PTCHD1: variants seen among roughly 807,000 people sequenced by gnomAD.
PTCHD1 encodes patched domain containing 1, also known as patched domain-containing protein 1.
In PTCHD1, 3 loss-of-function variants were observed where a neutral mutation model predicts 34.6. The ratio of observed to expected loss-of-function variants is 0.09; its 90% CI spans 0.04 to 0.22. The LOEUF is 0.22. Ranked by LOEUF, PTCHD1 falls within the 10% of genes least tolerant of loss-of-function variation. The probability of loss-of-function intolerance (pLI) is 1.00; values close to 1 mark genes in which losing one functional copy is unlikely to be tolerated. For synonymous variants in PTCHD1, 305 were observed against 283.1 expected (o/e 1.08, Z -0.77); for missense variants, 504 against 685.5 (o/e 0.74, Z 2.96).
chrX:23,385,744 C>T (rs1488554218), intron 2 of PTCHD1, among the ~76,000 whole-genome samples: 2 of 110,600 alleles, frequency 1.8e-5, no homozygotes, highest in East Asian at 5.7e-4. Context: ...GATTCTATAG[C>T]CCCTTCTCTA....
chrX:23,403,731 T>A lies in PTCHD1; in HGVS notation c.*9546T>A, dbSNP rs1196072393. Reference sequence around the variant, plus strand: ...TGGATATAAACAGAAATGTTTTATCTGAAGAGGCTGTGTATGCCACCCCAG... The same window carrying A: ...TGGATATAAACAGAAATGTTTTATCAGAAGAGGCTGTGTATGCCACCCCAG... On this transcript the variant is annotated 3_prime_UTR_variant, in exon 3 of 3. Coordinates refer to ENST00000379361, the MANE Select transcript of PTCHD1 (RefSeq NM_173495.3). The A allele has an allele frequency of 9.0e-6, 1 of 111,663 alleles. No individual in the cohort carries two copies. The highest frequency in any genetic ancestry group is 2.8e-4 in the East Asian group (1 of 3,595). 9.2% of individuals were successfully genotyped at this position (111,663 alleles called of 1,213,427 possible).
Position 23,394,521 on chromosome X carries a change from C to T in PTCHD1, c.*336C>T, listed in dbSNP as rs1922937555. 1 of 178,369 alleles carries T rather than the reference C, an allele frequency of 5.6e-6. No homozygotes were observed. The highest frequency in any genetic ancestry group is 1.0e-5 in the Non-Finnish European group (1 of 97,227). 14.7% of individuals were successfully genotyped at this position (178,369 alleles called of 1,213,427 possible). On this transcript the variant is annotated 3_prime_UTR_variant, in exon 3 of 3. Transcript: ENST00000379361. ...AGCTTATTAACAAGCAGGATCCTGC[C>T]TTATCCAAACTGCAGATGTTGCTGG...
At chrX:23,351,701 C>T (rs764307745) in intron 1 of PTCHD1, among the ~76,000 whole-genome samples, 5 of 112,466 alleles carry the variant, frequency 4.4e-5, no homozygotes, top group Non-Finnish European at 9.4e-5. Flanking sequence ...GGTGCCGCTG[C>T]TCAGAGTTGA....
chrX:23,394,317 A>G lies in PTCHD1; in HGVS notation c.*132A>G. 2.0e-6 allele frequency: 1 copy of G among 490,740 alleles called. No individual in the cohort carries two copies. The allele number at this position is 490,740 out of a possible 1,213,427, so 40.4% of individuals were successfully genotyped here. ...CAGGCATTGCCAAAAAAAAAAAAAAAAAAAAAAGGAAAGGACAGTGGGGAG... is the reference window on the plus strand; with the variant it reads ...CAGGCATTGCCAAAAAAAAAAAAAAGAAAAAAAGGAAAGGACAGTGGGGAG... On this transcript the variant is annotated 3_prime_UTR_variant, in exon 3 of 3. Transcript: ENST00000379361.
intron 1 of PTCHD1, among the ~76,000 whole-genome samples, chrX:23,338,204 G>T (rs997240180): frequency 8.9e-6 from 1 of 111,795 alleles, no homozygotes; most frequent in African/African-American, 3.3e-5. Context: ...AAAGTGGGTA[G>T]GACCTGGTGG....
At chrX:23,352,042 A>G (rs1356595230) in intron 1 of PTCHD1, among the ~76,000 whole-genome samples, 1 of 111,988 alleles carries the variant, frequency 8.9e-6, no homozygotes, top group Non-Finnish European at 1.9e-5. Context: ...AGAAGAAGGA[A>G]TGAACTGTAC....
chrX:23,378,021 T>C (rs756830033), intron 1 of PTCHD1, among the ~76,000 whole-genome samples: 1 of 112,089 alleles, frequency 8.9e-6, no homozygotes. Flanking sequence ...TCATAATGGC[T>C]ATCTATACTC....
chrX:23,393,547 G>T lies in PTCHD1; in HGVS notation c.2029G>T (p.Val677Leu). 1 of 1,211,548 alleles carries T rather than the reference G, an allele frequency of 8.3e-7. No individual in the cohort carries two copies. The highest frequency in any genetic ancestry group is 1.1e-6 in the Non-Finnish European group (1 of 895,245). Residue 677 changes from valine to leucine, a missense_variant, in exon 3 of 3, where the codon GTG becomes TTG. Coordinates refer to ENST00000379361, the MANE Select transcript of PTCHD1 (RefSeq NM_173495.3). Reference sequence around the variant, plus strand: ...GAGGAGACTTTCTGTCACCTCCAAGGTGAAGTTCATCGTCTTCAATCCGTC... The same window carrying T: ...GAGGAGACTTTCTGTCACCTCCAAGTTGAAGTTCATCGTCTTCAATCCGTC... ...TLRRLSVTSKVKFIVFNPSFV... is the reference protein window; with the variant it reads ...TLRRLSVTSKLKFIVFNPSFV...
intron 1 of PTCHD1, among the ~76,000 whole-genome samples, chrX:23,347,060 C>T (rs1921495824): frequency 8.9e-6 from 1 of 111,872 alleles, no homozygotes; most frequent in Admixed American, 9.5e-5. Context: ...AATGGACTTG[C>T]CAGAGCACGA....
intron 1 of PTCHD1, among the ~76,000 whole-genome samples, chrX:23,342,303 TA>T (rs1921352959): frequency 9.9e-4 from 10 of 10,052 alleles, no homozygotes; most frequent in East Asian, 5.7e-3. Flanking sequence ...TATATATATA[TA>T]TATATATTTT....
intron 1 of PTCHD1, among the ~76,000 whole-genome samples, chrX:23,336,089 G>A (rs1200998877): frequency 1.8e-5 from 2 of 110,786 alleles, no homozygotes; most frequent in East Asian, 5.7e-4. Flanking sequence ...GTTAGAGGGT[G>A]ACACTCGCAG....
At chrX:23,360,842 T>C (rs186887776) in intron 1 of PTCHD1, among the ~76,000 whole-genome samples, 32 of 112,611 alleles carry the variant, frequency 2.8e-4, no homozygotes, top group African/African-American at 1.0e-3. Flanking sequence ...CATTCTGGTT[T>C]GTTGTGTCTT....
At chrX:23,336,202 C>G (rs1921166021) in intron 1 of PTCHD1, among the ~76,000 whole-genome samples, 1 of 111,897 alleles carries the variant, frequency 8.9e-6, no homozygotes, top group Non-Finnish European at 1.9e-5. Flanking sequence ...GGAGTGAGGA[C>G]TAGAGATGGA....
intron 1 of PTCHD1, among the ~76,000 whole-genome samples, chrX:23,373,819 G>A (rs1295376187): frequency 8.9e-6 from 1 of 112,064 alleles, no homozygotes; most frequent in African/African-American, 3.2e-5. Flanking sequence ...CCCAGATCAA[G>A]ACATGTAGTT....
chrX:23,343,688 C>A, intron 1 of PTCHD1, among the ~76,000 whole-genome samples: 1 of 111,996 alleles, frequency 8.9e-6, no homozygotes, highest in Non-Finnish European at 1.9e-5. Context: ...GGTACAAAAT[C>A]AGCATATTTC....
intron 1 of PTCHD1, among the ~76,000 whole-genome samples, chrX:23,374,280 C>CAAAAAAAAAAAAA (rs752214252): frequency 4.5e-4 from 11 of 24,539 alleles, no homozygotes; most frequent in East Asian, 4.4e-3. Context: ...GAAACAAATA[C>CAAAAAAAAAAAAA]AAAAAAAAAA....
At chrX:23,360,762 T>G in intron 1 of PTCHD1, among the ~76,000 whole-genome samples, 1 of 112,292 alleles carries the variant, frequency 8.9e-6, no homozygotes, top group Non-Finnish European at 1.9e-5. Context: ...TTTACATCTT[T>G]CCTGCTTTCT....
At position 23,396,512 on chromosome X, in the gene PTCHD1, A is replaced by G. The variant is rs755510394; in HGVS notation, c.*2327A>G. 8.9e-6 allele frequency: 1 copy of G among 112,258 alleles called. No homozygotes were observed. The highest frequency in any genetic ancestry group is 3.7e-4 in the South Asian group (1 of 2,671). 9.3% of individuals were successfully genotyped at this position (112,258 alleles called of 1,213,427 possible). A position where few individuals can be genotyped will look rare whatever the true frequency, so the allele number is the denominator to read the frequency against. ...ATCAGTCATTGATTTAGTGTCAGCC[A>G]CGTGGAGCACCTCGGCTTAAAGCAG... On this transcript the variant is annotated 3_prime_UTR_variant, in exon 3 of 3. Coordinates refer to ENST00000379361, the MANE Select transcript of PTCHD1 (RefSeq NM_173495.3).
intron 1 of PTCHD1, among the ~76,000 whole-genome samples, chrX:23,367,029 T>C (rs1177385118): frequency 9.0e-6 from 1 of 110,715 alleles, no homozygotes; most frequent in East Asian, 2.8e-4. Flanking sequence ...TAGCTATTCC[T>C]ATCATAGCAC....
Sources: gnomAD v4.1 joint callset for allele counts (sites outside exome capture counted in the v4.1 genomes callset) on GRCh38, gnomAD v4.1.1 for gene constraint, MANE v1.5 for transcripts, NCBI Gene and HGNC (gene_info 2026-07-23, HGNC 2026-07-21) for gene names.